Variants in ADAT3 observed in about 807,000 individuals in gnomAD.
ADAT3 encodes the protein adenosine deaminase tRNA specific 3, also known as tRNA-specific adenosine-34 deaminase regulatory subunit ADAT3.
In ADAT3, 2 loss-of-function variants were observed where a neutral mutation model predicts 3.5. The observed-to-expected ratio is 0.57, with a 90% CI of 0.23 to 1.79. The LOEUF is 1.79. ADAT3 is among the 40% of genes most tolerant of loss of function. The probability of loss-of-function intolerance (pLI) is 0.18; values close to 1 mark genes in which losing one functional copy is unlikely to be tolerated. For missense variants in ADAT3, 735 were observed against 571.4 expected (o/e 1.29, Z -2.92); for synonymous variants, 358 against 270.3 (o/e 1.32, Z -3.18).
intron 1 of ADAT3, among the ~76,000 whole-genome samples, chr19:1,911,528 G>A (rs2013446909): frequency 6.6e-6 from 1 of 152,192 alleles, no homozygotes; most frequent in South Asian, 2.1e-4. Context: ...ACTCACACCT[G>A]TAATCCCACC....
intron 1 of ADAT3, chr19:1,905,654 G>T (rs986259329): frequency 1.3e-5 from 2 of 158,394 alleles, no homozygotes; most frequent in African/African-American, 4.8e-5. Flanking sequence ...GCGCGGCGCT[G>T]GCCTGGGGGA....
intron 1 of ADAT3, 84 bp from the exon 2 acceptor site, chr19:1,911,806 A>T (rs1208781019): frequency 4.7e-6 from 2 of 421,502 alleles, no homozygotes; most frequent in Non-Finnish European, 8.1e-6. Flanking sequence ...AAATAAAAAA[A>T]AAAGAAAATG....
rs2013537469 is a variant in ADAT3, at chr19:1,912,707, G to A, written c.660G>A (p.Ser220=). 3 of 1,503,740 alleles carry A rather than the reference G, an allele frequency of 2.0e-6. No homozygotes were observed. The highest frequency in any genetic ancestry group is 2.6e-6 in the Non-Finnish European group (3 of 1,134,054). 93.1% of individuals were successfully genotyped at this position (1,503,740 alleles called of 1,614,324 possible). ...GGGCCGTGGTAGTGGACCCGGCCTC[G>A]GACCGCGTGCTGGCCACCGGCCACG... The part of the protein sequence containing the change: ...AVGAVVVDPA[S]DRVLATGHDC... Residue 220 remains serine, a synonymous_variant, in exon 2 of 2, where the codon TCG becomes TCA. Transcript: ENST00000329478.
Position 1,913,277 on chromosome 19 carries a change from C to A in ADAT3, c.*126C>A. On this transcript the variant is annotated 3_prime_UTR_variant, in exon 2 of 2. Transcript: ENST00000329478. ...TTTCAGGGACACATACCGCCTCCAG[C>A]GGGGAGCACGGGTGCTGCCTTCCGT... 7.5e-7 allele frequency: 1 copy of A among 1,329,624 alleles called. No individual in the cohort carries two copies. Among genetic ancestry groups the A allele is most frequent in the Non-Finnish European group, 1.0e-6 (1 of 994,438 alleles). 82.4% of individuals were successfully genotyped at this position (1,329,624 alleles called of 1,614,324 possible). A position where few individuals can be genotyped will look rare whatever the true frequency, so the allele number is the denominator to read the frequency against.
chr19:1,911,154 C>T (rs574143985), intron 1 of ADAT3, among the ~76,000 whole-genome samples: 4 of 152,040 alleles, frequency 2.6e-5, no homozygotes, highest in African/African-American at 4.8e-5. Flanking sequence ...GGATTACAGG[C>T]GTGAGCCACC....
Position 1,912,036 on chromosome 19 carries a change from CGCAGCCGCCG to C in ADAT3, c.-10_-1del. The C allele has an allele frequency of 7.1e-7, 1 of 1,416,238 alleles. No homozygotes were observed. The highest frequency in any genetic ancestry group is 2.8e-5 in the East Asian group (1 of 36,174). 87.7% of individuals were successfully genotyped at this position (1,416,238 alleles called of 1,614,324 possible). ...ACTCCCCGGCTCTCCCCCAGCCGCCCGCAGCCGCCGGATGATCCTCTGCTCCCGTCTCTGT... is the reference window on the plus strand; with the variant it reads ...ACTCCCCGGCTCTCCCCCAGCCGCCCGATGATCCTCTGCTCCCGTCTCTGT... On this transcript the variant is annotated 5_prime_UTR_variant, in exon 2 of 2. Coordinates refer to ENST00000329478, the MANE Select transcript of ADAT3 (RefSeq NM_138422.4).
chr19:1,905,818 A>C (rs1200476389), intron 1 of ADAT3: 1 of 152,312 alleles, frequency 6.6e-6, no homozygotes, highest in Non-Finnish European at 1.5e-5. Flanking sequence ...CGCTCTCGCG[A>C]GTTTCCGTAG....
rs1405463435 is a variant in ADAT3 at position 1,911,889 on chromosome 19, G to C, written c.-158-1G>C. The C allele has an allele frequency of 1.2e-6, 1 of 868,884 alleles. No homozygotes were observed. The highest frequency in any genetic ancestry group is 1.6e-6 in the Non-Finnish European group (1 of 622,818). The allele number at this position is 868,884 out of a possible 1,614,324, so 53.8% of individuals were successfully genotyped here. A position where few individuals can be genotyped will look rare whatever the true frequency, so the allele number is the denominator to read the frequency against. ...GGCTGTTTAAACTCTGTGCACACCAGGGGTTAGCAGGACATGAGGGAGTGT... is the reference window on the plus strand; with the variant it reads ...GGCTGTTTAAACTCTGTGCACACCACGGGTTAGCAGGACATGAGGGAGTGT... On this transcript the variant is annotated splice_acceptor_variant, in intron 1 of 1. Coordinates refer to ENST00000329478, the MANE Select transcript of ADAT3 (RefSeq NM_138422.4). LOFTEE classifies it low-confidence loss of function (5UTR_SPLICE).
rs376520766 is a variant in ADAT3 at position 1,912,299 on chromosome 19, G to A, written c.252G>A (p.Pro84=). The A allele has an allele frequency of 4.8e-5, 75 of 1,563,266 alleles. No individual in the cohort carries two copies. The highest frequency in any genetic ancestry group is 6.3e-5 in the Non-Finnish European group (73 of 1,160,516). The change falls in exon 2 of 2, where the codon CCG becomes CCA. Residue 84 remains proline (P), a synonymous_variant. Transcript: ENST00000329478. ...RLLKEVSALH[P]LPAQPHLKRV... ...TGAAGGAGGTGTCGGCCCTGCACCC[G>A]CTCCCCGCCCAGCCTCACCTCAAGC... is the stretch of plus-strand genomic sequence containing the variant.
At chr19:1,909,812 A>G (rs2145429060) in intron 1 of ADAT3, among the ~76,000 whole-genome samples, 1 of 152,296 alleles carries the variant, frequency 6.6e-6, no homozygotes, top group South Asian at 2.1e-4. Context: ...GCTCCACCCG[A>G]CAGCCAGGGC....
intron 1 of ADAT3, among the ~76,000 whole-genome samples, chr19:1,911,214 C>T (rs2013427050): frequency 6.6e-6 from 1 of 151,946 alleles, no homozygotes; most frequent in African/African-American, 2.4e-5. Context: ...CTCTGTCAGC[C>T]AGGCTGGGGT....
At chr19:1,911,640 G>C (rs1227518726) in intron 1 of ADAT3, among the ~76,000 whole-genome samples, 1 of 152,124 alleles carries the variant, frequency 6.6e-6, no homozygotes, top group African/African-American at 2.4e-5. Context: ...AAAATTAGTC[G>C]GGCGTGGTGG....
Position 1,912,284 on chromosome 19 carries a change from G to A in ADAT3, c.237G>A (p.Val79=), listed in dbSNP as rs2145436559. The change falls in exon 2 of 2, where the codon GTG becomes GTA. Residue 79 remains valine, a synonymous_variant. Transcript: ENST00000329478. ...KRQTSRLLKE[V]SALHPLPAQP... ...AGACCTCACGCCTCCTGAAGGAGGT[G>A]TCGGCCCTGCACCCGCTCCCCGCCC... 1 of 1,582,736 alleles carries A rather than the reference G, an allele frequency of 6.3e-7. No homozygotes were observed. Among genetic ancestry groups the A allele is most frequent in the Non-Finnish European group, 8.6e-7 (1 of 1,168,870 alleles).
At position 1,905,927 on chromosome 19, in the gene ADAT3, C is replaced by T. The variant is rs1327239236; in HGVS notation, c.-159+488C>T. On this transcript the variant is annotated intron_variant, in intron 1 of 1. Coordinates refer to ENST00000329478, the MANE Select transcript of ADAT3 (RefSeq NM_138422.4). The stretch of plus-strand genomic sequence containing the variant: ...AATTGACCATCGTTCCTCATCGTTA[C>T]CTAGAGTATGAGTTTTTCAGGTTTT... The T allele has an allele frequency of 2.6e-5, 4 of 152,378 alleles. No individual in the cohort carries two copies. In the East Asian group the frequency reaches 5.8e-4, roughly 22 times the overall value. The allele number at this position is 152,378 out of a possible 1,614,324, so 9.4% of individuals were successfully genotyped here.
At position 1,908,241 on chromosome 19, in the gene ADAT3, C is replaced by T. The variant is rs1009863152; in HGVS notation, c.-159+2802C>T. 1.7e-5 allele frequency: 5 copies of T among 287,536 alleles called. No homozygotes were observed. The highest frequency in any genetic ancestry group is 1.2e-4 in the East Asian group (1 of 8,290). The allele number at this position is 287,536 out of a possible 1,614,324, so 17.8% of individuals were successfully genotyped here. A position where few individuals can be genotyped will look rare whatever the true frequency, so the allele number is the denominator to read the frequency against. ...CAGCGGCAGCACCTGGCGCTGCCTC[C>T]GCGCTTCCTGCTCCCGGCTCCCACT... is the stretch of plus-strand genomic sequence containing the variant. On this transcript the variant is annotated intron_variant, in intron 1 of 1. Transcript: ENST00000329478. The surrounding 1 kb of genome is among the most constrained non-coding windows in gnomAD (Gnocchi z 4.2).
At chr19:1,906,525 C>G (rs559772786) in intron 1 of ADAT3, 2 of 151,536 alleles carry the variant, frequency 1.3e-5, no homozygotes, top group South Asian at 4.2e-4. Flanking sequence ...GGCAACAGAG[C>G]GAGACCCTGT....
In ADAT3 at chr19:1,912,302, C is replaced by A; in HGVS notation, c.255C>A (p.Leu85=). The A allele has an allele frequency of 6.4e-7, 1 of 1,561,936 alleles. No homozygotes were observed. Among genetic ancestry groups the A allele is most frequent in the Non-Finnish European group, 8.6e-7 (1 of 1,159,978 alleles). ...LLKEVSALHP[L]PAQPHLKRVR... ...AGGAGGTGTCGGCCCTGCACCCGCTCCCCGCCCAGCCTCACCTCAAGCGGG... is the reference window on the plus strand; with the variant it reads ...AGGAGGTGTCGGCCCTGCACCCGCTACCCGCCCAGCCTCACCTCAAGCGGG... Residue 85 remains leucine (L), a synonymous_variant, in exon 2 of 2, where the codon CTC becomes CTA. Coordinates refer to ENST00000329478, the MANE Select transcript of ADAT3 (RefSeq NM_138422.4).
intron 1 of ADAT3, among the ~76,000 whole-genome samples, chr19:1,910,181 C>T (rs577781695): frequency 8.5e-5 from 13 of 152,290 alleles, no homozygotes; most frequent in South Asian, 6.2e-4. Flanking sequence ...GGGGTCTCAC[C>T]GGGCTGGAAC....
At chr19:1,907,282 C>G (rs1312482000) in intron 1 of ADAT3, 5 of 151,902 alleles carry the variant, frequency 3.3e-5, no homozygotes, top group African/African-American at 1.2e-4. Context: ...CCCAGCCTTC[C>G]AGGCTGGGCT....
Sources: allele counts gnomAD v4.1 joint callset (sites outside exome capture counted in the v4.1 genomes callset), GRCh38; gene constraint gnomAD v4.1.1; non-coding constraint Gnocchi (gnomAD v3.1); transcripts MANE v1.5; gene names NCBI Gene and HGNC (gene_info 2026-07-23, HGNC 2026-07-21).